Variants in SPAG16 observed in about 807,000 individuals in gnomAD.
SPAG16 encodes sperm-associated antigen 16 protein.
SPAG16 carries 86 observed loss-of-function variants against 80.4 expected under a neutral mutation model. That is an observed-to-expected ratio of 1.07 (90% CI 0.90 to 1.28). The LOEUF is 1.28. Ranked by LOEUF, SPAG16 falls within the 50% of genes most tolerant of loss-of-function variation. The pLI is 0.00. For missense variants in SPAG16, 870 were observed against 765.3 expected, an observed-to-expected ratio of 1.14 and a Z score of -1.61; for synonymous variants, 294 against 265.9, an observed-to-expected ratio of 1.11 and a Z score of -1.03.
At position 213,910,532 on chromosome 2, in the gene SPAG16, A is replaced by G. The variant is rs1279348586; in HGVS notation, c.1215-19428A>G. Among the ~76,000 whole-genome samples, 4 of 26,532 alleles carry G rather than the reference A, an allele frequency of 1.5e-4. 2 individuals carry two copies. Among genetic ancestry groups the G allele is most frequent in the Admixed American group, 1.0e-3 (2 of 1,922 alleles). The allele number at this position is 26,532 out of a possible 152,430, so 17.4% of individuals were successfully genotyped here. A position where few individuals can be genotyped will look rare whatever the true frequency, so the allele number is the denominator to read the frequency against. On this transcript the variant is annotated intron_variant, in intron 11 of 15. Transcript: ENST00000331683. Reference sequence around the variant, plus strand: ...GAGACGGAGTCTCGCTCTGTCGCCCAGGCTGGAGTGCAGTGGCGCGATCTC... The same window carrying G: ...GAGACGGAGTCTCGCTCTGTCGCCCGGGCTGGAGTGCAGTGGCGCGATCTC...
chr2:214,276,977 G>A (rs535366021), intron 15 of SPAG16, among the ~76,000 whole-genome samples: 7 of 151,792 alleles, frequency 4.6e-5, no homozygotes, highest in Non-Finnish European at 1.0e-4. Flanking sequence ...ATTTCTCGGA[G>A]GCTTTGTTCA....
intron 14 of SPAG16, among the ~76,000 whole-genome samples, chr2:214,133,129 T>TTA (rs1553725436): frequency 0.17 from 24,116 of 141,416 alleles, 2,039 homozygotes; most frequent in African/African-American, 0.19. Context: ...TAAATAATAA[T>TTA]AAAAAAAAAA....
intron 10 of SPAG16, among the ~76,000 whole-genome samples, chr2:213,686,455 T>C (rs2064678491): frequency 6.6e-6 from 1 of 152,074 alleles, no homozygotes; most frequent in Admixed American, 6.5e-5. Context: ...AAATTTATTT[T>C]TCTTATATTG....
At chr2:213,977,203 T>C (rs1329368718) in intron 12 of SPAG16, among the ~76,000 whole-genome samples, 1 of 151,972 alleles carries the variant, frequency 6.6e-6, no homozygotes, top group African/African-American at 2.4e-5. Flanking sequence ...TCCTCTGACC[T>C]CCACAATACA....
At chr2:213,429,499 A>C (rs2070155977) in intron 9 of SPAG16, among the ~76,000 whole-genome samples, 2 of 152,230 alleles carry the variant, frequency 1.3e-5, no homozygotes, top group Admixed American at 1.3e-4. Context: ...CCACAGAGAG[A>C]TCTTACCTGC....
At chr2:213,946,528 C>T (rs529890700) in intron 12 of SPAG16, among the ~76,000 whole-genome samples, 16 of 152,238 alleles carry the variant, frequency 1.1e-4, no homozygotes, top group African/African-American at 3.6e-4. Context: ...ATTTTGAATT[C>T]GTTTAAAACT....
intron 8 of SPAG16, among the ~76,000 whole-genome samples, chr2:213,371,977 T>C (rs1482264348): frequency 5.9e-5 from 9 of 152,152 alleles, no homozygotes; most frequent in African/African-American, 2.2e-4. Context: ...GAAAAATTTC[T>C]GGGAGAAACT....
intron 10 of SPAG16, among the ~76,000 whole-genome samples, chr2:213,669,660 G>A (rs1345965253): frequency 6.6e-6 from 1 of 152,074 alleles, no homozygotes; most frequent in Non-Finnish European, 1.5e-5. Context: ...CTAGTCCTAT[G>A]GTTTTCACAT....
intron 13 of SPAG16, among the ~76,000 whole-genome samples, chr2:214,046,229 G>A (rs2049319971): frequency 1.3e-5 from 2 of 152,080 alleles, no homozygotes; most frequent in Middle Eastern, 3.4e-3. Flanking sequence ...AGCAAAGAAA[G>A]TCCAGGACTC....
At chr2:213,798,549 C>A (rs1020142902) in intron 10 of SPAG16, among the ~76,000 whole-genome samples, 1 of 152,144 alleles carries the variant, frequency 6.6e-6, no homozygotes, top group Non-Finnish European at 1.5e-5. Context: ...AGCCACTGCA[C>A]CCGGCCTCTG....
At chr2:214,264,441 A>AT (rs945557311) in intron 15 of SPAG16, among the ~76,000 whole-genome samples, 5 of 151,856 alleles carry the variant, frequency 3.3e-5, no homozygotes, top group African/African-American at 4.8e-5. Context: ...GGATCTTCTA[A>AT]TTTTTTTTAT....
At chr2:213,906,037 A>T (rs2077416951) in intron 11 of SPAG16, among the ~76,000 whole-genome samples, 1 of 152,178 alleles carries the variant, frequency 6.6e-6, no homozygotes, top group Non-Finnish European at 1.5e-5. Context: ...ACCTACGCTA[A>T]ATTCCAAATA....
chr2:213,479,215 A>T (rs1336569203), intron 9 of SPAG16, among the ~76,000 whole-genome samples: 2 of 145,638 alleles, frequency 1.4e-5, no homozygotes, highest in East Asian at 4.1e-4. Flanking sequence ...GGTCAACTCT[A>T]TCACTGTCTT....
At chr2:213,483,733 A>C (rs1002181423) in intron 9 of SPAG16, among the ~76,000 whole-genome samples, 1 of 152,196 alleles carries the variant, frequency 6.6e-6, no homozygotes, top group Non-Finnish European at 1.5e-5. Context: ...GAAATTGACT[A>C]ACGGGAGTTT....
At position 213,976,212 on chromosome 2, in the gene SPAG16, A is replaced by G. The variant is rs77847496; in HGVS notation, c.1401-37739A>G. Reference sequence around the variant, plus strand: ...CGTATGTGTATATATACACATACATATGTACGCATATACATATATACACGT... The same window carrying G: ...CGTATGTGTATATATACACATACATGTGTACGCATATACATATATACACGT... On this transcript the variant is annotated intron_variant, in intron 12 of 15. Coordinates refer to ENST00000331683, the MANE Select transcript of SPAG16 (RefSeq NM_024532.5). Among the ~76,000 whole-genome samples the G allele has an allele frequency of 8.5e-3, 1,271 of 150,302 alleles. 39 individuals carry two copies. The highest frequency in any genetic ancestry group is 0.083 in the East Asian group (418 of 5,056).
chr2:214,339,863 G>T (rs1011265781), intron 15 of SPAG16, among the ~76,000 whole-genome samples: 8 of 152,106 alleles, frequency 5.3e-5, no homozygotes, highest in African/African-American at 1.9e-4. Flanking sequence ...TTATTTATGA[G>T]TTGACACTGA....
chr2:214,354,748 T>A (rs943526032), intron 15 of SPAG16, among the ~76,000 whole-genome samples: 3 of 152,042 alleles, frequency 2.0e-5, no homozygotes, highest in Admixed American at 6.6e-5. Context: ...GGTATTTTAT[T>A]CTCTTTGAAG....
At position 214,261,107 on chromosome 2, in the gene SPAG16, C is replaced by CAAAAAAAAA. The variant is rs558534808; in HGVS notation, c.1720+111879_1720+111887dup. On this transcript the variant is annotated intron_variant, in intron 15 of 15. Transcript: ENST00000331683. ...GGGCTACAAGAGCAAGACTCAGTCTCAAAAAAAAAAAAAAAAAAAAAAAAA... is the reference window on the plus strand; with the variant it reads ...GGGCTACAAGAGCAAGACTCAGTCTCAAAAAAAAAAAAAAAAAAAAAAAAAAAAAAAAAA... Among the ~76,000 whole-genome samples the CAAAAAAAAA allele has an allele frequency of 2.6e-4, 14 of 54,468 alleles. 1 individual carries two copies. Among genetic ancestry groups the CAAAAAAAAA allele is most frequent in the East Asian group, 1.9e-3 (3 of 1,564 alleles). 35.7% of individuals were successfully genotyped at this position (54,468 alleles called of 152,430 possible).
At chr2:214,062,644 C>T (rs1165094949) in intron 13 of SPAG16, among the ~76,000 whole-genome samples, 3 of 150,740 alleles carry the variant, frequency 2.0e-5, no homozygotes, top group East Asian at 1.9e-4. Flanking sequence ...TTGGCACCAC[C>T]GCACCTGTTG....
Sources: gnomAD v4.1 joint callset for allele counts (sites outside exome capture counted in the v4.1 genomes callset) on GRCh38, gnomAD v4.1.1 for gene constraint, MANE v1.5 for transcripts, NCBI Gene and HGNC (gene_info 2026-07-23, HGNC 2026-07-21) for gene names.